ARB2A: variants seen among roughly 807,000 people sequenced by gnomAD.
ARB2A encodes the protein ARB2 cotranscriptional regulator A, also known as cotranscriptional regulator ARB2A.
chr5:93,924,048 T>G, the ARB2A span, among the ~76,000 whole-genome samples: 2 of 152,096 alleles, frequency 1.3e-5, no homozygotes, highest in African/African-American at 2.4e-5. Flanking sequence ...AATTATATAA[T>G]TAAGCCTTCA....
At chr5:93,703,738 G>A in the ARB2A span, among the ~76,000 whole-genome samples, 2 of 152,196 alleles carry the variant, frequency 1.3e-5, no homozygotes, top group Non-Finnish European at 2.9e-5. Flanking sequence ...ATTTTGGGCA[G>A]GGATTATGCC....
At chr5:93,904,887 T>C in the ARB2A span, among the ~76,000 whole-genome samples, 2 of 151,640 alleles carry the variant, frequency 1.3e-5, no homozygotes, top group African/African-American at 4.8e-5. Context: ...ATTTTTCTAT[T>C]AAGGAGTCAA....
the ARB2A span, among the ~76,000 whole-genome samples, chr5:94,011,382 G>C: frequency 2.6e-5 from 4 of 151,714 alleles, no homozygotes; most frequent in Admixed American, 2.0e-4. Context: ...TATTTATTTT[G>C]TTCATTATCT....
the ARB2A span, among the ~76,000 whole-genome samples, chr5:93,629,839 T>C: frequency 2.0e-5 from 3 of 152,192 alleles, no homozygotes; most frequent in African/African-American, 7.2e-5. Flanking sequence ...ATTTTAAAAA[T>C]TGATCTTTAA....
At chr5:94,044,830 C>T in the ARB2A span, among the ~76,000 whole-genome samples, 1 of 152,148 alleles carries the variant, frequency 6.6e-6, no homozygotes, top group African/African-American at 2.4e-5. Context: ...TATACTCCCA[C>T]TGGCACCATG....
chr5:93,732,349 T>A, the ARB2A span, among the ~76,000 whole-genome samples: 1 of 152,232 alleles, frequency 6.6e-6, no homozygotes, highest in Admixed American at 6.5e-5. Context: ...GATTCTACTG[T>A]GTTAAAATCA....
the ARB2A span, among the ~76,000 whole-genome samples, chr5:93,879,018 T>C: frequency 1.2e-4 from 19 of 152,238 alleles, no homozygotes; most frequent in African/African-American, 2.9e-4. Context: ...TCACAAAGAA[T>C]AGAAGATAAT....
the ARB2A span, among the ~76,000 whole-genome samples, chr5:94,034,458 AC>A: frequency 6.6e-6 from 1 of 152,192 alleles, no homozygotes; most frequent in East Asian, 1.9e-4. Context: ...CAAATAAATC[AC>A]AGTTCTTCAT....
At chr5:93,745,866 T>C in the ARB2A span, among the ~76,000 whole-genome samples, 1 of 151,804 alleles carries the variant, frequency 6.6e-6, no homozygotes, top group Admixed American at 6.6e-5. Flanking sequence ...GCCACTAAGA[T>C]GGACAGATGT....
At chr5:93,705,277 T>G in the ARB2A span, among the ~76,000 whole-genome samples, 1 of 152,298 alleles carries the variant, frequency 6.6e-6, no homozygotes, top group East Asian at 1.9e-4. Context: ...TCAAGGCATA[T>G]ATGTAATTCA....
the ARB2A span, among the ~76,000 whole-genome samples, chr5:93,806,542 G>C: frequency 1.3e-5 from 2 of 151,828 alleles, no homozygotes; most frequent in Middle Eastern, 6.8e-3. Flanking sequence ...TCATTATATA[G>C]CTATATATTG....
chr5:93,690,686 C>G, the ARB2A span, among the ~76,000 whole-genome samples: 1 of 152,156 alleles, frequency 6.6e-6, no homozygotes, highest in Non-Finnish European at 1.5e-5. Context: ...GATCTCCCAG[C>G]ACAGCACTTG....
At chr5:93,923,171 AT>A in the ARB2A span, among the ~76,000 whole-genome samples, 1 of 151,946 alleles carries the variant, frequency 6.6e-6, no homozygotes, top group Non-Finnish European at 1.5e-5. Context: ...GTCAATTTAT[AT>A]TTTCTTCCTT....
At chr5:93,804,979 G>C in the ARB2A span, 2 of 983,216 alleles carry the variant, frequency 2.0e-6, no homozygotes, top group African/African-American at 1.8e-5. Context: ...TAGGTGGTGA[G>C]ATATCAAATT....
At chr5:93,983,173 GTGTGT>G in the ARB2A span, among the ~76,000 whole-genome samples, 4 of 702 alleles carry the variant, frequency 5.7e-3, no homozygotes, top group Middle Eastern at 0.25. Context: ...GTGGAGAGGT[GTGTGT>G]GTGTGTGTGT....
chr5:94,051,558 A>T, the ARB2A span, among the ~76,000 whole-genome samples: 1 of 152,190 alleles, frequency 6.6e-6, no homozygotes, highest in South Asian at 2.1e-4. Context: ...GCATCTGGTC[A>T]TTTCCCCCAG....
the ARB2A span, among the ~76,000 whole-genome samples, chr5:93,985,952 G>A: frequency 4.7e-5 from 7 of 147,648 alleles, no homozygotes; most frequent in East Asian, 4.1e-4. Flanking sequence ...GCCTCTTCCC[G>A]GCCGTCATCC....
the ARB2A span, among the ~76,000 whole-genome samples, chr5:93,921,354 T>C: frequency 6.6e-6 from 1 of 152,032 alleles, no homozygotes; most frequent in Non-Finnish European, 1.5e-5. Flanking sequence ...AGTCATTACA[T>C]GGAAACTTAA....
the ARB2A span, among the ~76,000 whole-genome samples, chr5:94,089,469 C>T: frequency 6.6e-6 from 1 of 152,080 alleles, no homozygotes; most frequent in Non-Finnish European, 1.5e-5. Context: ...TACCTGAAAT[C>T]TGGATATCGA....
Sources: gnomAD v4.1 joint callset for allele counts (sites outside exome capture counted in the v4.1 genomes callset) on GRCh38, gnomAD v4.1.1 for gene constraint, MANE v1.5 for transcripts, NCBI Gene and HGNC (gene_info 2026-07-23, HGNC 2026-07-21) for gene names.